PLPPR1: variants seen among roughly 807,000 people sequenced by gnomAD.
PLPPR1 encodes phospholipid phosphatase related 1.
PLPPR1 carries 10 observed loss-of-function variants against 33.1 expected under a neutral mutation model. The ratio of observed to expected loss-of-function variants is 0.30; its 90% CI spans 0.19 to 0.51. PLPPR1 has a LOEUF of 0.51. PLPPR1 is among the 20% of genes least tolerant of loss of function. PLPPR1 has a pLI of 0.97. For missense variants in PLPPR1, 304 were observed against 408.1 expected (o/e 0.74, Z 2.20); for synonymous variants, 151 against 151.0 (o/e 1.00, Z 0.00).
At chr9:101,294,786 T>G (rs1214528410) in intron 4 of PLPPR1, among the ~76,000 whole-genome samples, 1 of 152,070 alleles carries the variant, frequency 6.6e-6, no homozygotes, top group East Asian at 1.9e-4. Context: ...AAATTAGGTA[T>G]TGATGGGACG....
At chr9:101,148,962 C>T (rs1195117023) in intron 1 of PLPPR1, among the ~76,000 whole-genome samples, 2 of 152,194 alleles carry the variant, frequency 1.3e-5, no homozygotes, top group African/African-American at 2.4e-5. Flanking sequence ...TTAGCACTCT[C>T]TTCCCCATCC....
intron 1 of PLPPR1, among the ~76,000 whole-genome samples, chr9:101,051,837 T>G (rs1830226294): frequency 6.6e-6 from 1 of 152,186 alleles, no homozygotes; most frequent in Non-Finnish European, 1.5e-5. Flanking sequence ...TCTATTTACA[T>G]TTTAACGTGT....
In PLPPR1 at chr9:101,259,381, A is replaced by G. The variant is rs368876973; in HGVS notation, c.64-10499A>G. ...AAAGGCCAGTGTGTTCAATGCAGAG[A>G]AAATTGCTGGATTTACCTAGAATAG... is the stretch of plus-strand genomic sequence containing the variant. On this transcript the variant is annotated intron_variant, in intron 2 of 7. Coordinates refer to ENST00000374874, the MANE Select transcript of PLPPR1 (RefSeq NM_207299.2). Among the ~76,000 whole-genome samples the G allele has an allele frequency of 5.4e-4, 82 of 152,310 alleles. No individual in the cohort carries two copies. The South Asian group carries it at 8.7e-3, about 16-fold the overall frequency.
At chr9:101,208,789 G>A (rs1042033202) in intron 2 of PLPPR1, among the ~76,000 whole-genome samples, 1 of 152,096 alleles carries the variant, frequency 6.6e-6, no homozygotes, top group African/African-American at 2.4e-5. Flanking sequence ...TTGTAATTTG[G>A]TACCTTTCAC....
rs56913951 is a variant in PLPPR1, at chr9:101,159,246, A to G, written c.-45-26204A>G. Among the ~76,000 whole-genome samples the G allele has an allele frequency of 2.5e-3, 380 of 152,272 alleles. 2 individuals are homozygous for G. The highest frequency in any genetic ancestry group is 8.9e-3 in the African/African-American group (368 of 41,548). On this transcript the variant is annotated intron_variant, in intron 1 of 7. Coordinates refer to ENST00000374874, the MANE Select transcript of PLPPR1 (RefSeq NM_207299.2). ...TATCCTTAGGAAAAGTCATCATCCT[A>G]TAGTTGGTGTCTATTACTACAGAGA... is the stretch of plus-strand genomic sequence containing the variant.
chr9:101,315,749 G>T (rs1829039580), intron 6 of PLPPR1, among the ~76,000 whole-genome samples: 1 of 152,204 alleles, frequency 6.6e-6, no homozygotes. Context: ...TGGGAAATGG[G>T]AGGGGAAGGA....
At chr9:101,228,471 T>C (rs1827117124) in intron 2 of PLPPR1, among the ~76,000 whole-genome samples, 2 of 152,164 alleles carry the variant, frequency 1.3e-5, no homozygotes, top group Non-Finnish European at 2.9e-5. Flanking sequence ...TTGGTCAGAA[T>C]ATATCACACT....
chr9:101,205,012 T>G (rs1057210747), intron 2 of PLPPR1, among the ~76,000 whole-genome samples: 7 of 152,132 alleles, frequency 4.6e-5, no homozygotes, highest in African/African-American at 1.7e-4. Flanking sequence ...TTTGTACCCT[T>G]TAAGGTACTC....
intron 2 of PLPPR1, among the ~76,000 whole-genome samples, chr9:101,231,902 C>T (rs1387558086): frequency 1.3e-5 from 2 of 152,024 alleles, no homozygotes; most frequent in African/African-American, 2.4e-5. Flanking sequence ...ATCTTCCTTA[C>T]ATATTTTTAC....
chr9:101,209,492 C>CT (rs1289130741), intron 2 of PLPPR1, among the ~76,000 whole-genome samples: 1 of 152,206 alleles, frequency 6.6e-6, no homozygotes, highest in Admixed American at 6.5e-5. Context: ...CCCCTTCAGT[C>CT]CATCAGCACC....
chr9:101,242,677 A>G (rs1827498888), intron 2 of PLPPR1, among the ~76,000 whole-genome samples: 1 of 152,054 alleles, frequency 6.6e-6, no homozygotes, highest in Admixed American at 6.6e-5. Context: ...ATGTTCTAGA[A>G]CTGCTAATGG....
intron 1 of PLPPR1, among the ~76,000 whole-genome samples, chr9:101,164,446 T>C (rs187088043): frequency 2.6e-5 from 4 of 151,682 alleles, no homozygotes; most frequent in African/African-American, 4.8e-5. Context: ...CATTGCAACC[T>C]CTGCCTCCCA....
chr9:101,319,595 A>C (rs1316263072), intron 7 of PLPPR1, among the ~76,000 whole-genome samples: 1 of 152,100 alleles, frequency 6.6e-6, no homozygotes, highest in African/African-American at 2.4e-5. Context: ...TAACATTTTA[A>C]CTTGGTCTAG....
At chr9:101,269,691 T>TA in intron 2 of PLPPR1, 189 bp from the exon 3 acceptor site, 1 of 616,332 alleles carries the variant, frequency 1.6e-6, no homozygotes, top group Non-Finnish European at 2.9e-6. Context: ...GGAAGGTTTA[T>TA]AGAACAGATG....
At chr9:101,237,979 CTA>C (rs367867610) in intron 2 of PLPPR1, among the ~76,000 whole-genome samples, 1,270 of 79,272 alleles carry the variant, frequency 0.016, 20 homozygotes, top group African/African-American at 0.044. Context: ...GCTATATAGC[CTA>C]TATATATATA....
intron 2 of PLPPR1, among the ~76,000 whole-genome samples, chr9:101,191,154 A>G (rs1032292717): frequency 2.0e-5 from 3 of 152,176 alleles, no homozygotes; most frequent in Admixed American, 2.0e-4. Flanking sequence ...GACAGGTCAT[A>G]GCTCTTTACT....
At chr9:101,283,771 A>T (rs1223270175) in intron 3 of PLPPR1, among the ~76,000 whole-genome samples, 1 of 152,172 alleles carries the variant, frequency 6.6e-6, no homozygotes, top group African/African-American at 2.4e-5. Context: ...AGATTATTAA[A>T]ATATAAGAAA....
At chr9:101,213,788 A>G (rs1381087158) in intron 2 of PLPPR1, among the ~76,000 whole-genome samples, 1 of 152,230 alleles carries the variant, frequency 6.6e-6, no homozygotes, top group Non-Finnish European at 1.5e-5. Context: ...AACAGAGGGA[A>G]ACTTAGTTTA....
intron 1 of PLPPR1, among the ~76,000 whole-genome samples, chr9:101,135,656 T>C (rs1010040786): frequency 2.6e-5 from 4 of 152,222 alleles, no homozygotes; most frequent in Non-Finnish European, 2.9e-5. Flanking sequence ...TGAATTATGT[T>C]GGTCATTAGA....
Sources: gnomAD v4.1 joint callset for allele counts (sites outside exome capture counted in the v4.1 genomes callset) on GRCh38, gnomAD v4.1.1 for gene constraint, MANE v1.5 for transcripts, NCBI Gene and HGNC (gene_info 2026-07-23, HGNC 2026-07-21) for gene names.